Variants in KSR1 observed in about 807,000 individuals in gnomAD.
KSR1 encodes the protein kinase suppressor of ras.
Under a neutral mutation model 92.9 loss-of-function variants are expected in KSR1, and 35 were observed. The observed-to-expected ratio is 0.38, with a 90% confidence interval of 0.29 to 0.50. The LOEUF (loss-of-function observed/expected upper bound fraction) is 0.50. Among genes scored for constraint, KSR1 ranks in the 20% least tolerant of loss-of-function variants. KSR1 has a pLI of 0.94. For synonymous variants in KSR1, 467 were observed against 472.6 expected (o/e 0.99, Z 0.15); for missense variants, 972 against 1,158.5 (o/e 0.84, Z 2.34).
chr17:27,590,912 G>T lies in KSR1; in HGVS notation c.1130+18G>T. 1.3e-6 allele frequency: 2 copies of T among 1,597,676 alleles called. No homozygotes were observed. Among genetic ancestry groups the T allele is most frequent in the Non-Finnish European group, 8.5e-7 (1 of 1,170,382 alleles). On this transcript the variant is annotated intron_variant, in intron 7 of 20. Transcript: ENST00000644974. ...CATTGCAGGTGATGGGAAGAGGAGT[G>T]GGGGTGGGGGGAGCAGACACTTTTA...
At chr17:27,529,267 C>T (rs2070442837) in intron 1 of KSR1, among the ~76,000 whole-genome samples, 2 of 151,944 alleles carry the variant, frequency 1.3e-5, no homozygotes, top group Admixed American at 6.6e-5. Flanking sequence ...TGATTAAGTA[C>T]ACTGTTAAAA....
At chr17:27,541,010 G>A (rs1227378509) in intron 1 of KSR1, among the ~76,000 whole-genome samples, 1 of 152,368 alleles carries the variant, frequency 6.6e-6, no homozygotes, top group South Asian at 2.1e-4. Context: ...GGACAGAATG[G>A]GTCAATAGTG....
chr17:27,528,730 C>T (rs1333891101), intron 1 of KSR1, among the ~76,000 whole-genome samples: 1 of 152,072 alleles, frequency 6.6e-6, no homozygotes, highest in Non-Finnish European at 1.5e-5. Flanking sequence ...GAGACTCTGC[C>T]TCTACAAAAA....
chr17:27,614,208 AT>A (rs2073996560), intron 18 of KSR1, among the ~76,000 whole-genome samples: 1 of 152,204 alleles, frequency 6.6e-6, no homozygotes, highest in African/African-American at 2.4e-5. Context: ...ACCTCAAATC[AT>A]TAACAAATCC....
intron 10 of KSR1, among the ~76,000 whole-genome samples, chr17:27,600,819 A>G (rs966521725): frequency 1.3e-5 from 2 of 152,042 alleles, no homozygotes; most frequent in Admixed American, 6.6e-5. Flanking sequence ...AGGTTAGCCA[A>G]CTCCCTAAGG....
chr17:27,601,347 C>T lies in KSR1; in HGVS notation c.1469-13C>T. 1 of 1,612,522 alleles carries T rather than the reference C, an allele frequency of 6.2e-7. No homozygotes were observed. The highest frequency in any genetic ancestry group is 2.2e-5 in the East Asian group (1 of 44,882). On this transcript the variant is annotated splice_polypyrimidine_tract_variant and intron_variant, in intron 10 of 20. Coordinates refer to ENST00000644974, the MANE Select transcript of KSR1 (RefSeq NM_001394583.1). ...GTTCTGTGTGTGTGACTCACCTCCT[C>T]TTCTGTTTAAAGCTGCCTACTTCAT...
At chr17:27,497,692 T>C (rs1336708900) in intron 1 of KSR1, among the ~76,000 whole-genome samples, 1 of 152,226 alleles carries the variant, frequency 6.6e-6, no homozygotes, top group African/African-American at 2.4e-5. Flanking sequence ...AGTTTCTTTT[T>C]TAAAAAGTGA....
At chr17:27,599,978 C>T (rs1341824397) in intron 10 of KSR1, among the ~76,000 whole-genome samples, 1 of 152,144 alleles carries the variant, frequency 6.6e-6, no homozygotes, top group Non-Finnish European at 1.5e-5. Flanking sequence ...CATCTTGTCC[C>T]ACCGGAAGGT....
At chr17:27,499,128 G>A (rs1225854930) in intron 1 of KSR1, among the ~76,000 whole-genome samples, 1 of 152,198 alleles carries the variant, frequency 6.6e-6, no homozygotes, top group Non-Finnish European at 1.5e-5. Flanking sequence ...CAGAGCAAGA[G>A]GAACAAGGGT....
At position 27,577,163 on chromosome 17, in the gene KSR1, C is replaced by G. The variant is rs1386754711; in HGVS notation, c.373-329C>G. On this transcript the variant is annotated intron_variant, in intron 2 of 20. Transcript: ENST00000644974. The surrounding 1 kb of genome is among the most constrained non-coding windows in gnomAD (Gnocchi z 4.5). ...ATCTTTGTCTGAAGTACTCGTCATTCTAAAAAGTTGTTATGACTCGCTGTT... is the reference window on the plus strand; with the variant it reads ...ATCTTTGTCTGAAGTACTCGTCATTGTAAAAAGTTGTTATGACTCGCTGTT... Among the ~76,000 whole-genome samples, 1 of 152,084 alleles carries G rather than the reference C, an allele frequency of 6.6e-6. No homozygotes were observed. The highest frequency in any genetic ancestry group is 1.5e-5 in the Non-Finnish European group (1 of 68,008).
At chr17:27,569,197 G>A (rs569506548) in intron 2 of KSR1, among the ~76,000 whole-genome samples, 17 of 152,276 alleles carry the variant, frequency 1.1e-4, no homozygotes, top group African/African-American at 3.9e-4. Context: ...TGGGAGTAGG[G>A]AAACCCACTC....
intron 1 of KSR1, among the ~76,000 whole-genome samples, chr17:27,483,493 A>G (rs1368479679): frequency 6.6e-6 from 1 of 150,866 alleles, no homozygotes; most frequent in African/African-American, 2.4e-5. Flanking sequence ...AGGCTGAGGC[A>G]GGAGAATCGC....
At position 27,622,142 on chromosome 17, in the gene KSR1, A is replaced by G. The variant is rs542919917; in HGVS notation, c.2708+869A>G. 7.9e-4 allele frequency: 471 copies of G among 597,668 alleles called. 1 individual carries two copies. The highest frequency in any genetic ancestry group is 1.3e-3 in the Non-Finnish European group (430 of 334,194). 37.0% of individuals were successfully genotyped at this position (597,668 alleles called of 1,614,324 possible). On this transcript the variant is annotated intron_variant, in intron 20 of 20. Coordinates refer to ENST00000644974, the MANE Select transcript of KSR1 (RefSeq NM_001394583.1). ...CTCTCCACGTGGCCTGCATATGCCC[A>G]AGTAACTGCTCTCAGAGGATCCCAC...
chr17:27,557,859 G>A (rs1268443255), intron 2 of KSR1, among the ~76,000 whole-genome samples: 1 of 152,074 alleles, frequency 6.6e-6, no homozygotes, highest in African/African-American at 2.4e-5. Flanking sequence ...CTCTCTTCGA[G>A]GTATTTCATC....
intron 1 of KSR1, among the ~76,000 whole-genome samples, chr17:27,509,588 G>A (rs1036136558): frequency 6.6e-6 from 1 of 152,250 alleles, no homozygotes; most frequent in South Asian, 2.1e-4. Context: ...CACGCCTGGC[G>A]ACTCAGGAGG....
At chr17:27,536,189 C>A (rs1429089515) in intron 1 of KSR1, among the ~76,000 whole-genome samples, 1 of 152,168 alleles carries the variant, frequency 6.6e-6, no homozygotes, top group Non-Finnish European at 1.5e-5. Flanking sequence ...AGGGTGGAAT[C>A]TCCAGCCGAA....
intron 2 of KSR1, among the ~76,000 whole-genome samples, chr17:27,554,374 G>T (rs2071514091): frequency 6.6e-6 from 1 of 152,176 alleles, no homozygotes; most frequent in Non-Finnish European, 1.5e-5. Context: ...GGTCCACTTG[G>T]CCTCTTAGGA....
intron 1 of KSR1, among the ~76,000 whole-genome samples, chr17:27,457,279 T>G (rs1399235422): frequency 2.6e-5 from 4 of 152,200 alleles, no homozygotes; most frequent in Non-Finnish European, 5.9e-5. Context: ...GAGGTTCCCC[T>G]GAAGCGTGAT....
rs2074216087 is a variant in KSR1 at position 27,621,255 on chromosome 17, G to C, written c.2690G>C (p.Cys897Ser). 2.5e-6 allele frequency: 1 copy of C among 398,582 alleles called. No individual in the cohort carries two copies. Among genetic ancestry groups the C allele is most frequent in the Non-Finnish European group, 4.4e-6 (1 of 226,120 alleles). 24.7% of individuals were successfully genotyped at this position (398,582 alleles called of 1,614,324 possible). ...GGCCACCCTGACTTTAAGAGCTCCT[G>C]TCCGATTCTGGAGGAATAGTGTGTT... ...RYGHPDFKSSCPILEEYINSS... is the reference protein window; with the variant it reads ...RYGHPDFKSSSPILEEYINSS... The change falls in exon 20 of 21, where the codon TGT becomes TCT. Residue 897 changes from cysteine (C) to serine (S), a missense_variant. By Grantham distance (112) the Cys-to-Ser change is moderately radical. Transcript: ENST00000644974.
Sources: gnomAD v4.1 joint callset for allele counts (sites outside exome capture counted in the v4.1 genomes callset) on GRCh38, gnomAD v4.1.1 for gene constraint, Gnocchi (gnomAD v3.1) non-coding constraint, MANE v1.5 for transcripts, NCBI Gene and HGNC (gene_info 2026-07-23, HGNC 2026-07-21) for gene names.